Variants in KDM2B observed in about 807,000 individuals in gnomAD.
KDM2B encodes the protein lysine-specific demethylase 2B.
Under a neutral mutation model 150.0 loss-of-function variants are expected in KDM2B, and 26 were observed. The observed-to-expected ratio is 0.17, with a 90% CI of 0.13 to 0.24. KDM2B has a LOEUF of 0.24. Ranked by LOEUF, KDM2B falls within the 10% of genes least tolerant of loss-of-function variation. The pLI is 1.00. For synonymous variants in KDM2B, 734 were observed against 729.5 expected (o/e 1.01, Z -0.10); for missense variants, 1,265 against 1,816.9 (o/e 0.70, Z 5.52).
At chr12:121,523,517 G>A (rs782523275) in intron 8 of KDM2B, among the ~76,000 whole-genome samples, 6 of 152,248 alleles carry the variant, frequency 3.9e-5, no homozygotes, top group South Asian at 2.1e-4. Flanking sequence ...CCCCAAGCCC[G>A]AGCGGTTCCA....
At chr12:121,434,221 A>C (rs1203845639) in intron 22 of KDM2B, among the ~76,000 whole-genome samples, 1 of 152,012 alleles carries the variant, frequency 6.6e-6, no homozygotes, top group Admixed American at 6.5e-5. Context: ...ATAAGGATAG[A>C]CATATAGACC....
chr12:121,416,650 C>T, the KDM2B span: 1 of 289,554 alleles, frequency 3.5e-6, no homozygotes, highest in Non-Finnish European at 6.6e-6. Flanking sequence ...TTTCCAAAAG[C>T]AAGAAATTTG....
At chr12:121,510,217 A>G (rs911719128) in intron 10 of KDM2B, among the ~76,000 whole-genome samples, 178 bp from the exon 11 acceptor site, 3 of 151,862 alleles carry the variant, frequency 2.0e-5, no homozygotes, top group Non-Finnish European at 4.4e-5. Context: ...TCAGATCCCC[A>G]CCCTGCTGCT....
In KDM2B at chr12:121,442,700, G is replaced by A. The variant is rs782815410; in HGVS notation, c.2741C>T (p.Ser914Phe). 3.8e-6 allele frequency: 6 copies of A among 1,593,778 alleles called. No individual in the cohort carries two copies. The highest frequency in any genetic ancestry group is 3.5e-5 in the Admixed American group (2 of 57,144). The change falls in exon 19 of 23, where the codon TCC (serine) becomes TTC (phenylalanine). Residue 914 changes from serine to phenylalanine, a missense_variant. Physicochemically the swap from Ser to Phe is radical, Grantham distance 155. This residue lies in a region of KDM2B where 418 missense variants were observed against 402.4 expected (regional missense o/e 1.04). Transcript: ENST00000377071. This position sits in a 1 kb window ranked among gnomAD's most constrained non-coding sequence, Gnocchi z 7.7. ...TRESDHSRSS[S>F]PTAGPSTEGA... ...TTCGGTGCTGGGTCCCGCGGTGGGG[G>A]AGCTGGAGCGGGAGTGGTCGCTCTC... is the stretch of plus-strand genomic sequence containing the variant.
chr12:121,442,019 C>G lies in KDM2B; in HGVS notation c.3284+138G>C. The G allele has an allele frequency of 1.4e-6, 1 of 710,144 alleles. No homozygotes were observed. Among genetic ancestry groups the G allele is most frequent in the South Asian group, 1.8e-5 (1 of 55,012 alleles). 44.0% of individuals were successfully genotyped at this position (710,144 alleles called of 1,614,324 possible). A position where few individuals can be genotyped will look rare whatever the true frequency, so the allele number is the denominator to read the frequency against. ...AGACCAGAGGGGCCGCTGTAGCCAG[C>G]TGGAACGCTTTGCGGAGCACAATGA... On this transcript the variant is annotated intron_variant, in intron 19 of 22. Transcript: ENST00000377071. The surrounding 1 kb of genome is among the most constrained non-coding windows in gnomAD (Gnocchi z 7.7).
At chr12:121,579,989 G>GAAAAAA in intron 1 of KDM2B, 14 of 1,208,306 alleles carry the variant, frequency 1.2e-5, no homozygotes, top group South Asian at 4.6e-5. Context: ...TACAGATTTG[G>GAAAAAA]AAAAAAAAAA....
the KDM2B span, among the ~76,000 whole-genome samples, chr12:121,414,157 A>G: frequency 2.6e-5 from 4 of 152,192 alleles, no homozygotes; most frequent in African/African-American, 9.6e-5. Flanking sequence ...CCAGCATTTT[A>G]CATGCTATTA....
chr12:121,560,090 G>A (rs376404018), intron 4 of KDM2B, among the ~76,000 whole-genome samples: 18 of 152,052 alleles, frequency 1.2e-4, no homozygotes, highest in East Asian at 5.8e-4. Flanking sequence ...CTGCAGCCTC[G>A]ACCTGTTGGG....
the KDM2B span, chr12:121,420,832 A>T: frequency 7.2e-7 from 1 of 1,389,674 alleles, no homozygotes; most frequent in Non-Finnish European, 1.0e-6. Context: ...GGCTTTTAAA[A>T]ACTGGGTTGT....
rs781866621 is a variant in KDM2B at position 121,452,238 on chromosome 12, C to T, written c.1959+882G>A. Among the ~76,000 whole-genome samples, 20 of 152,186 alleles carry T rather than the reference C, an allele frequency of 1.3e-4. No homozygotes were observed. Among genetic ancestry groups the T allele is most frequent in the Non-Finnish European group, 2.5e-4 (17 of 68,036 alleles). On this transcript the variant is annotated intron_variant, in intron 13 of 22. Transcript: ENST00000377071. The surrounding 1 kb of genome is among the most constrained non-coding windows in gnomAD (Gnocchi z 4.4). ...TAGGGATCAGCTTCCCAAAAACGTG[C>T]ATATGGTAATACTACTGTACTGCAT... is the stretch of plus-strand genomic sequence containing the variant.
At chr12:121,523,027 T>C (rs1055756900) in intron 8 of KDM2B, among the ~76,000 whole-genome samples, 2 of 152,172 alleles carry the variant, frequency 1.3e-5, no homozygotes, top group Non-Finnish European at 2.9e-5. Context: ...TCAGGTGACA[T>C]GTGTGTGGCT....
intron 20 of KDM2B, 40 bp downstream of exon 20, chr12:121,441,030 C>T (rs781809571): frequency 1.9e-6 from 3 of 1,612,760 alleles, no homozygotes; most frequent in Non-Finnish European, 1.7e-6. Context: ...CCAGCCCTCA[C>T]TGCAGCAGAC....
At chr12:121,464,404 A>T (rs543827535) in intron 12 of KDM2B, among the ~76,000 whole-genome samples, 7 of 152,362 alleles carry the variant, frequency 4.6e-5, no homozygotes, top group African/African-American at 1.7e-4. Context: ...AAGAGCACAC[A>T]AGGGGTCTCC....
At chr12:121,423,750 G>A in the KDM2B span, 18 of 619,086 alleles carry the variant, frequency 2.9e-5, no homozygotes, top group Middle Eastern at 2.8e-4. This position sits in a 1 kb window ranked among gnomAD's most constrained non-coding sequence, Gnocchi z 4.3. Context: ...GGTCCATGCC[G>A]TGAGCCTGTC....
chr12:121,440,082 G>T lies in KDM2B; in HGVS notation c.3611-7C>A. ...CTCCGATTGTCCATCTGACCTGGTG[G>T]GGCAGGAAGGAGGGGGCAACCCGTC... On this transcript the variant is annotated splice_region_variant and splice_polypyrimidine_tract_variant and intron_variant, in intron 21 of 22. Transcript: ENST00000377071. 6.3e-7 allele frequency: 1 copy of T among 1,589,296 alleles called. No individual in the cohort carries two copies. Among genetic ancestry groups the T allele is most frequent in the African/African-American group, 1.3e-5 (1 of 74,600 alleles).
rs774075615 is a variant in KDM2B, at chr12:121,478,801, C to T, written c.1734+15778G>A. ...TGCCCAGGCTCAAGCAATCCTCCCA[C>T]CTCAGCCTCCCAAGCAGCTGCGACT... is the stretch of plus-strand genomic sequence containing the variant. On this transcript the variant is annotated intron_variant, in intron 12 of 22. Transcript: ENST00000377071. Among the ~76,000 whole-genome samples the T allele has an allele frequency of 3.3e-5, 5 of 151,798 alleles. No individual in the cohort carries two copies. In the East Asian group the frequency reaches 9.7e-4, roughly 29 times the overall value.
chr12:121,561,894 G>A lies in KDM2B; in HGVS notation c.398-12256C>T, dbSNP rs369210644. Among the ~76,000 whole-genome samples the A allele has an allele frequency of 5.7e-4, 87 of 152,330 alleles. No individual in the cohort carries two copies. In the South Asian group the frequency reaches 7.9e-3, roughly 14 times the overall value. On this transcript the variant is annotated intron_variant, in intron 4 of 22. Transcript: ENST00000377071. ...TATGATTTTAAACCAACTTTAGGCC[G>A]GGAGCGGTGGCTCATGCCTGTAATC...
Position 121,575,429 on chromosome 12 carries a change from CTT to C in KDM2B, c.350+350_350+351del, listed in dbSNP as rs1891436087. Among the ~76,000 whole-genome samples, 1 of 152,236 alleles carries C rather than the reference CTT, an allele frequency of 6.6e-6. No individual in the cohort carries two copies. ...TCTGGGCTTAGAGGCTGGCTAGTCT[CTT>C]TGCAGCTCAGGCTCTGCCTCAGTCT... On this transcript the variant is annotated intron_variant, in intron 3 of 22. Transcript: ENST00000377071. The surrounding 1 kb of genome is among the most constrained non-coding windows in gnomAD (Gnocchi z 4.4).
intron 8 of KDM2B, among the ~76,000 whole-genome samples, chr12:121,525,825 T>C (rs1887082198): frequency 6.6e-6 from 1 of 152,204 alleles, no homozygotes; most frequent in Non-Finnish European, 1.5e-5. Context: ...TCAGTGGTTC[T>C]TTCTAGAATG....
Sources: gnomAD v4.1 joint callset for allele counts (sites outside exome capture counted in the v4.1 genomes callset) on GRCh38, gnomAD v4.1.1 for gene constraint, gnomAD v4.1.1 regional missense constraint, Gnocchi (gnomAD v3.1) non-coding constraint, MANE v1.5 for transcripts, NCBI Gene and HGNC (gene_info 2026-07-23, HGNC 2026-07-21) for gene names.